The following GRIA1 variants were observed in gnomAD, a reference collection of about 807,000 sequenced individuals.
The protein encoded by GRIA1 is glutamate ionotropic receptor AMPA type subunit 1.
GRIA1 carries 31 observed loss-of-function variants against 99.2 expected under a neutral mutation model. The observed-to-expected ratio is 0.31, with a 90% CI of 0.23 to 0.42. The LOEUF (loss-of-function observed/expected upper bound fraction) is 0.42, where lower values mean the gene tolerates loss of function less well. Among genes scored for constraint, GRIA1 ranks in the 10% least tolerant of loss-of-function variants. The probability of loss-of-function intolerance (pLI) is 1.00; values close to 1 mark genes in which losing one functional copy is unlikely to be tolerated. For missense variants in GRIA1, 782 were observed against 1,157.5 expected (o/e 0.68, Z 4.71); for synonymous variants, 438 against 432.4 (o/e 1.01, Z -0.16).
intron 1 of GRIA1, chr5:153,492,340 G>T (rs549341074): frequency 2.2e-5 from 33 of 1,509,484 alleles, no homozygotes; most frequent in Non-Finnish European, 2.8e-5. Flanking sequence ...TGCCTAACAC[G>T]CAAAACTTCC....
chr5:153,695,036 A>G (rs1247847547), intron 8 of GRIA1, among the ~76,000 whole-genome samples: 1 of 152,160 alleles, frequency 6.6e-6, no homozygotes, highest in Non-Finnish European at 1.5e-5. Context: ...ATCATATTTG[A>G]CAGATATTTT....
intron 13 of GRIA1, among the ~76,000 whole-genome samples, chr5:153,773,802 G>A (rs1032661368): frequency 6.6e-6 from 1 of 152,052 alleles, no homozygotes; most frequent in Non-Finnish European, 1.5e-5. Flanking sequence ...TTCCTACAGC[G>A]CTCCTTTCTC....
At chr5:153,610,774 A>C (rs1316936268) in intron 2 of GRIA1, among the ~76,000 whole-genome samples, 1 of 152,214 alleles carries the variant, frequency 6.6e-6, no homozygotes, top group Non-Finnish European at 1.5e-5. Context: ...TTAAAAAGTC[A>C]TGCATATAAA....
At chr5:153,673,620 A>G (rs1756358539) in intron 5 of GRIA1, among the ~76,000 whole-genome samples, 1 of 152,176 alleles carries the variant, frequency 6.6e-6, no homozygotes, top group South Asian at 2.1e-4. Context: ...TCCCTAAATG[A>G]CGCCTCTGCA....
intron 13 of GRIA1, among the ~76,000 whole-genome samples, chr5:153,772,441 G>C (rs1330962499): frequency 6.6e-6 from 1 of 152,146 alleles, no homozygotes; most frequent in African/African-American, 2.4e-5. Context: ...TAATAATACA[G>C]AGGAGAAATG....
At chr5:153,539,369 T>G (rs1293447876) in intron 2 of GRIA1, among the ~76,000 whole-genome samples, 1 of 152,186 alleles carries the variant, frequency 6.6e-6, no homozygotes, top group Non-Finnish European at 1.5e-5. Context: ...AATGGCAAGG[T>G]ATGGAGATAA....
chr5:153,508,939 G>A (rs1581148999), intron 2 of GRIA1, among the ~76,000 whole-genome samples: 1 of 152,174 alleles, frequency 6.6e-6, no homozygotes, highest in East Asian at 1.9e-4. Flanking sequence ...AGGGGCAGCA[G>A]CTACAAAAAG....
chr5:153,805,143 A>T (rs990211999), intron 15 of GRIA1, among the ~76,000 whole-genome samples: 1 of 152,158 alleles, frequency 6.6e-6, no homozygotes, highest in African/African-American at 2.4e-5. Context: ...GATTATAAAG[A>T]GCTTGGCAAA....
chr5:153,533,460 G>T (rs1389832793), intron 2 of GRIA1, among the ~76,000 whole-genome samples: 2 of 152,070 alleles, frequency 1.3e-5, no homozygotes, highest in Non-Finnish European at 2.9e-5. Context: ...GCAAGGAAGA[G>T]CCAGGAGGCT....
chr5:153,645,864 A>G (rs1754113600), intron 2 of GRIA1, among the ~76,000 whole-genome samples: 1 of 152,222 alleles, frequency 6.6e-6, no homozygotes, highest in Non-Finnish European at 1.5e-5. Context: ...ATAGCCTAAT[A>G]TATGTAAAAG....
chr5:153,530,995 CAG>C (rs957064883), intron 2 of GRIA1, among the ~76,000 whole-genome samples: 2 of 152,098 alleles, frequency 1.3e-5, no homozygotes, highest in African/African-American at 4.8e-5. Context: ...TAATAAAGGT[CAG>C]GGGGAAAATA....
chr5:153,582,013 C>A (rs1485546624), intron 2 of GRIA1, among the ~76,000 whole-genome samples: 1 of 152,206 alleles, frequency 6.6e-6, no homozygotes, highest in Admixed American at 6.5e-5. Flanking sequence ...GTGCCTCAAC[C>A]TCCCAAAGTG....
At chr5:153,494,685 C>T (rs1186884813) in intron 2 of GRIA1, among the ~76,000 whole-genome samples, 1 of 152,186 alleles carries the variant, frequency 6.6e-6, no homozygotes, top group Non-Finnish European at 1.5e-5. Flanking sequence ...AGATAAATCT[C>T]TGACATCTGA....
rs1766812383 is a variant in GRIA1 at position 153,811,378 on chromosome 5, T to C, written c.*153T>C. ...TGATTCAACAGGTTTTCCTGAAGAA[T>C]TGAAAAACCATTTTGCTGTCCCTTT... On this transcript the variant is annotated 3_prime_UTR_variant, in exon 16 of 16. Coordinates refer to ENST00000285900, the MANE Select transcript of GRIA1 (RefSeq NM_000827.4). The C allele has an allele frequency of 4.9e-6, 3 of 617,636 alleles. No homozygotes were observed. The highest frequency in any genetic ancestry group is 2.8e-5 in the East Asian group (1 of 35,890). The allele number at this position is 617,636 out of a possible 1,614,324, so 38.3% of individuals were successfully genotyped here.
chr5:153,712,465 C>T (rs145289935), intron 11 of GRIA1, among the ~76,000 whole-genome samples: 20 of 152,306 alleles, frequency 1.3e-4, no homozygotes, highest in African/African-American at 3.8e-4. Context: ...TTCATAGTAA[C>T]CAGTATGCCT....
At position 153,490,838 on chromosome 5, in the gene GRIA1, C is replaced by T; in HGVS notation, c.-51C>T. ...GAATAAAGGGAAAGGGGGGGAAACA[C>T]CAAATCTATGATTGGACCTGGGCTT... On this transcript the variant is annotated 5_prime_UTR_variant, in exon 1 of 16. Coordinates refer to ENST00000285900, the MANE Select transcript of GRIA1 (RefSeq NM_000827.4). 1.5e-6 allele frequency: 2 copies of T among 1,352,138 alleles called. No individual in the cohort carries two copies. The highest frequency in any genetic ancestry group is 2.1e-6 in the Non-Finnish European group (2 of 940,822). 83.8% of individuals were successfully genotyped at this position (1,352,138 alleles called of 1,614,324 possible).
intron 8 of GRIA1, among the ~76,000 whole-genome samples, chr5:153,692,093 A>G (rs1351009427): frequency 2.6e-5 from 4 of 152,112 alleles, no homozygotes; most frequent in African/African-American, 9.7e-5. Context: ...TCACTTGCAT[A>G]TGCTATTCCT....
intron 13 of GRIA1, among the ~76,000 whole-genome samples, chr5:153,773,459 G>A (rs1292203142): frequency 6.6e-6 from 1 of 152,148 alleles, no homozygotes; most frequent in African/African-American, 2.4e-5. Context: ...GAAGTCCAGA[G>A]CAACCACTCA....
chr5:153,541,999 C>T (rs1011755023), intron 2 of GRIA1, among the ~76,000 whole-genome samples: 17 of 150,288 alleles, frequency 1.1e-4, no homozygotes, highest in Middle Eastern at 3.6e-3. Context: ...GAACTGTGGC[C>T]ATTCATCCTG....
Sources: allele counts gnomAD v4.1 joint callset (sites outside exome capture counted in the v4.1 genomes callset), GRCh38; gene constraint gnomAD v4.1.1; transcripts MANE v1.5; gene names NCBI Gene and HGNC (gene_info 2026-07-23, HGNC 2026-07-21).